Variants in ADAMTS7 observed in about 807,000 individuals in gnomAD.
ADAMTS7 encodes ADAM metallopeptidase with thrombospondin type 1 motif 7.
Under a neutral mutation model 172.6 loss-of-function variants are expected in ADAMTS7, and 89 were observed. The ratio of observed to expected loss-of-function variants is 0.52; its 90% CI spans 0.43 to 0.61. The LOEUF (loss-of-function observed/expected upper bound fraction) is 0.61, where lower values mean the gene tolerates loss of function less well. Among genes scored for constraint, ADAMTS7 ranks in the 20% least tolerant of loss-of-function variants. The probability of loss-of-function intolerance (pLI) is 0.00; values close to 1 mark genes in which losing one functional copy is unlikely to be tolerated. For synonymous variants in ADAMTS7, 885 were observed against 978.4 expected, an observed-to-expected ratio of 0.90 and a Z score of 1.78; for missense variants, 1,973 against 2,355.6, an observed-to-expected ratio of 0.84 and a Z score of 3.36.
Position 78,802,834 on chromosome 15 carries a change from T to C in ADAMTS7, c.101-2287A>G, listed in dbSNP as rs551805238. ...CAACATAGTGAAACCCCATCTCTAC[T>C]AAACATGCAAAAATTAGCCAGGCTT... On this transcript the variant is annotated intron_variant, in intron 1 of 23. Coordinates refer to ENST00000388820, the MANE Select transcript of ADAMTS7 (RefSeq NM_014272.5). 7.2e-5 allele frequency among the ~76,000 whole-genome samples: 11 copies of C among 152,110 alleles called. No homozygotes were observed. The South Asian group carries it at 2.1e-3, about 29-fold the overall frequency.
At chr15:78,785,317 A>C (rs1490112446) in intron 8 of ADAMTS7, among the ~76,000 whole-genome samples, 2 of 152,146 alleles carry the variant, frequency 1.3e-5, no homozygotes, top group Non-Finnish European at 1.5e-5. Context: ...TTGGGAGGCC[A>C]AGGTGGTGAA....
At chr15:78,762,023 A>C in intron 23 of ADAMTS7, 6 of 985,324 alleles carry the variant, frequency 6.1e-6, no homozygotes, top group Non-Finnish European at 7.2e-6. Flanking sequence ...ACAGGGACTC[A>C]CCCAGGCCCA....
chr15:78,761,990 G>A (rs1199979885), intron 23 of ADAMTS7: 1 of 985,326 alleles, frequency 1.0e-6, no homozygotes, highest in Admixed American at 6.1e-5. Flanking sequence ...TCTAGCCAGG[G>A]AATGGACAGG....
Position 78,759,231 on chromosome 15 carries a change from G to A in ADAMTS7, c.*190C>T, listed in dbSNP as rs1409825622. On this transcript the variant is annotated 3_prime_UTR_variant, in exon 24 of 24. Transcript: ENST00000388820. Reference sequence around the variant, plus strand: ...TTTGGAATGGTAGATGCTCATTTATGTAAAATCATAATAAATGTTACACAA... The same window carrying A: ...TTTGGAATGGTAGATGCTCATTTATATAAAATCATAATAAATGTTACACAA... The A allele has an allele frequency of 1.8e-5, 9 of 499,128 alleles. No homozygotes were observed. The highest frequency in any genetic ancestry group is 1.4e-4 in the African/African-American group (7 of 50,120). The allele number at this position is 499,128 out of a possible 1,614,324, so 30.9% of individuals were successfully genotyped here.
rs1178712234 is a variant in ADAMTS7, at chr15:78,768,179, G to T, written c.2599C>A (p.Pro867Thr). 1 of 1,608,782 alleles carries T rather than the reference G, an allele frequency of 6.2e-7. No individual in the cohort carries two copies. The highest frequency in any genetic ancestry group is 8.5e-7 in the Non-Finnish European group (1 of 1,179,138). Residue 867 changes from proline (P) to threonine (T), a missense_variant, in exon 17 of 24, where the codon CCT becomes ACT. By Grantham distance (38) the Pro-to-Thr change is conservative. Coordinates refer to ENST00000388820, the MANE Select transcript of ADAMTS7 (RefSeq NM_014272.5). ...DEEHCDPLGR[P>T]DDQQRKCSEQ... ...CTGCACTTCCTCTGTTGGTCATCAG[G>T]CCGGCCCAGGGGGTCACAGTGCTCC...
At chr15:78,782,969 A>G (rs1190911163) in intron 8 of ADAMTS7, among the ~76,000 whole-genome samples, 2 of 146,582 alleles carry the variant, frequency 1.4e-5, no homozygotes, top group Non-Finnish European at 3.1e-5. Context: ...CCCAAGGCAG[A>G]AGGACCTACA....
At chr15:78,805,513 T>A (rs565281107) in intron 1 of ADAMTS7, among the ~76,000 whole-genome samples, 1 of 152,156 alleles carries the variant, frequency 6.6e-6, no homozygotes, top group Non-Finnish European at 1.5e-5. Flanking sequence ...CCACTCCATA[T>A]TCATTCCCAG....
rs866970936 is a variant in ADAMTS7 at position 78,771,081 on chromosome 15, A to C, written c.2518+81T>G. 7 of 1,461,100 alleles carry C rather than the reference A, an allele frequency of 4.8e-6. No homozygotes were observed. The South Asian group carries it at 6.6e-5, about 14-fold the overall frequency. The allele number at this position is 1,461,100 out of a possible 1,614,324, so 90.5% of individuals were successfully genotyped here. On this transcript the variant is annotated intron_variant, in intron 16 of 23. Coordinates refer to ENST00000388820, the MANE Select transcript of ADAMTS7 (RefSeq NM_014272.5). This position sits in a 1 kb window ranked among gnomAD's most constrained non-coding sequence, Gnocchi z 4.9. ...ACTTCCAAACCCGTGGTGGCCCAGC[A>C]GTGAGCTGGGAGCTGAAGCCAGTGT... is the stretch of plus-strand genomic sequence containing the variant.
intron 8 of ADAMTS7, among the ~76,000 whole-genome samples, chr15:78,778,559 G>T (rs1356323526): frequency 6.6e-6 from 1 of 152,198 alleles, no homozygotes; most frequent in Non-Finnish European, 1.5e-5. Context: ...GCTGCCTTCT[G>T]GGGGCAGCAG....
chr15:78,764,752 C>A (rs749716638), intron 19 of ADAMTS7, 45 bp from the exon 20 acceptor site: 4 of 1,436,990 alleles, frequency 2.8e-6, no homozygotes, highest in Non-Finnish European at 3.6e-6. Flanking sequence ...CCCATCCCCG[C>A]CAGGCCTCCA....
chr15:78,782,731 G>A (rs568253416), intron 8 of ADAMTS7, among the ~76,000 whole-genome samples: 43 of 152,152 alleles, frequency 2.8e-4, no homozygotes, highest in Admixed American at 1.4e-3. Context: ...GAGAAGCCCG[G>A]AAAGGCTCAG....
chr15:78,796,481 G>A, intron 4 of ADAMTS7, 109 bp downstream of exon 4: 5 of 1,299,636 alleles, frequency 3.8e-6, no homozygotes, highest in Non-Finnish European at 5.3e-6. Flanking sequence ...TTGGGGCCTA[G>A]ACCTGGGTCT....
At chr15:78,809,213 A>G (rs537561066) in intron 1 of ADAMTS7, among the ~76,000 whole-genome samples, 1 of 152,274 alleles carries the variant, frequency 6.6e-6, no homozygotes, top group Non-Finnish European at 1.5e-5. Flanking sequence ...CAAGTGGGGA[A>G]AAGGGATATA....
At chr15:78,793,643 G>A (rs5017824) in intron 4 of ADAMTS7, among the ~76,000 whole-genome samples, 6,679 of 152,254 alleles carry the variant, frequency 0.044, 182 homozygotes, top group African/African-American at 0.075. Flanking sequence ...CTTGGGAAAT[G>A]CTACAATGAG....
At chr15:78,767,203 C>G in intron 18 of ADAMTS7, 152 bp from the exon 19 acceptor site, 1 of 1,152,850 alleles carries the variant, frequency 8.7e-7, no homozygotes, top group Admixed American at 2.5e-5. Context: ...AAGGCCATGA[C>G]TGTGGCCATG....
rs558044144 is a variant in ADAMTS7, at chr15:78,806,477, C to T, written c.100+4644G>A. ...GGCAATGGAGGGACAAAATAATGCA[C>T]TATAGAGCATGGGCTTTGAAAGTAA... On this transcript the variant is annotated intron_variant, in intron 1 of 23. Coordinates refer to ENST00000388820, the MANE Select transcript of ADAMTS7 (RefSeq NM_014272.5). 1.4e-3 allele frequency among the ~76,000 whole-genome samples: 217 copies of T among 152,284 alleles called. No homozygotes were observed. In the South Asian group the frequency reaches 0.016, roughly 11 times the overall value.
rs766386956 is a variant in ADAMTS7 at position 78,771,674 on chromosome 15, C to A, written c.2287G>T (p.Val763Leu). Reference sequence around the variant, plus strand: ...GCGTATGTGAAGGTGGTCCCTGCCACCTGGTAGTCCCCGTTCCACTGGATG... The same window carrying A: ...GCGTATGTGAAGGTGGTCCCTGCCAACTGGTAGTCCCCGTTCCACTGGATG... ...WTIQWNGDYQVAGTTFTYARR... is the reference protein window; with the variant it reads ...WTIQWNGDYQLAGTTFTYARR... Residue 763 changes from valine (V) to leucine (L), a missense_variant, in exon 15 of 24, where the codon GTG becomes TTG. Transcript: ENST00000388820. This position sits in a 1 kb window ranked among gnomAD's most constrained non-coding sequence, Gnocchi z 4.9. 3 of 1,603,750 alleles carry A rather than the reference C, an allele frequency of 1.9e-6. No homozygotes were observed. The highest frequency in any genetic ancestry group is 2.5e-6 in the Non-Finnish European group (3 of 1,179,898).
chr15:78,807,109 G>T (rs1247056978), intron 1 of ADAMTS7, among the ~76,000 whole-genome samples: 1 of 152,190 alleles, frequency 6.6e-6, no homozygotes, highest in Non-Finnish European at 1.5e-5. Context: ...GGTTCCCAGG[G>T]CAAGGACAAT....
At position 78,766,068 on chromosome 15, in the gene ADAMTS7, A is replaced by C; in HGVS notation, c.3843T>G (p.Ser1281Arg). ...ALEGGLGPVD[S>R]ELWPTVGVAS... The stretch of plus-strand genomic sequence containing the variant: ...CCACCCCAACAGTGGGCCACAGTTC[A>C]CTGTCCACAGGCCCCAGGCCACCCT... Residue 1281 changes from serine to arginine, a missense_variant, in exon 19 of 24, where the codon AGT becomes AGG. By Grantham distance (110) the Ser-to-Arg change is moderately radical (BLOSUM62 -1). Transcript: ENST00000388820. The C allele has an allele frequency of 6.2e-7, 1 of 1,609,292 alleles. No homozygotes were observed. Among genetic ancestry groups the C allele is most frequent in the Non-Finnish European group, 8.5e-7 (1 of 1,179,990 alleles).
Sources: allele counts gnomAD v4.1 joint callset (sites outside exome capture counted in the v4.1 genomes callset), GRCh38; gene constraint gnomAD v4.1.1; non-coding constraint Gnocchi (gnomAD v3.1); transcripts MANE v1.5; gene names NCBI Gene and HGNC (gene_info 2026-07-23, HGNC 2026-07-21).